The following HMOX2 variants were observed in gnomAD, a reference collection of about 807,000 sequenced individuals.
The protein encoded by HMOX2 is heme oxygenase (decycling) 2.
In HMOX2, 30 loss-of-function variants were observed where a neutral mutation model predicts 33.7. The ratio of observed to expected loss-of-function variants is 0.89; its 90% confidence interval spans 0.67 to 1.21. The LOEUF is 1.21. Among genes scored for constraint, HMOX2 ranks in the 50% most tolerant of loss-of-function variants. The pLI, the probability that HMOX2 is intolerant of heterozygous loss-of-function variation, is 0.00. For missense variants in HMOX2, 403 were observed against 399.1 expected, an observed-to-expected ratio of 1.01 and a Z score of -0.08; for synonymous variants, 155 against 155.0, an observed-to-expected ratio of 1.00 and a Z score of 0.00.
chr16:4,480,798 G>T (rs996063952), intron 1 of HMOX2, among the ~76,000 whole-genome samples: 1 of 148,744 alleles, frequency 6.7e-6, no homozygotes, highest in African/African-American at 2.5e-5. Context: ...GATTATAGGC[G>T]TCTGCCACCA....
chr16:4,509,350 TAAAAAA>T, intron 4 of HMOX2, 56 bp from the exon 5 acceptor site: 1 of 1,377,346 alleles, frequency 7.3e-7, no homozygotes, highest in Non-Finnish European at 9.9e-7. Flanking sequence ...AAAAGACATT[TAAAAAA>T]AAAAAAAAAG....
chr16:4,510,042 GGCT>G lies in HMOX2; in HGVS notation c.*290_*292del. Reference sequence around the variant, plus strand: ...CAGGCTTCCACACTTCTGGGCCCTAGGCTGCTTCCGGTAGTCCCTGTTTTTGCA... The same window carrying G: ...CAGGCTTCCACACTTCTGGGCCCTAGGCTTCCGGTAGTCCCTGTTTTTGCA... On this transcript the variant is annotated 3_prime_UTR_variant, in exon 6 of 6. Coordinates refer to ENST00000570646, the MANE Select transcript of HMOX2 (RefSeq NM_002134.4). 4.3e-6 allele frequency: 2 copies of G among 465,688 alleles called. No homozygotes were observed. Among genetic ancestry groups the G allele is most frequent in the South Asian group, 6.6e-5 (2 of 30,508 alleles). The allele number at this position is 465,688 out of a possible 1,614,324, so 28.8% of individuals were successfully genotyped here. A position where few individuals can be genotyped will look rare whatever the true frequency, so the allele number is the denominator to read the frequency against.
intron 1 of HMOX2, among the ~76,000 whole-genome samples, chr16:4,485,727 T>A (rs1371230845): frequency 6.6e-6 from 1 of 152,084 alleles, no homozygotes; most frequent in African/African-American, 2.4e-5. Context: ...TTGTTTTTAT[T>A]TTTGTTTTTG....
intron 1 of HMOX2, among the ~76,000 whole-genome samples, chr16:4,491,279 C>T (rs2058299255): frequency 6.6e-6 from 1 of 152,190 alleles, no homozygotes; most frequent in African/African-American, 2.4e-5. Flanking sequence ...GGGCCCTTCA[C>T]CTAAGTCATG....
intron 1 of HMOX2, among the ~76,000 whole-genome samples, chr16:4,483,381 C>CCCAT (rs925250433): frequency 1.3e-5 from 2 of 150,728 alleles, no homozygotes; most frequent in Non-Finnish European, 2.9e-5. Context: ...GCAATCAGCC[C>CCCAT]CCATCTAGGA....
intron 1 of HMOX2, among the ~76,000 whole-genome samples, chr16:4,504,354 ATTTTTTTTTTTTTTT>A (rs34314976): frequency 1.4e-5 from 1 of 72,886 alleles, no homozygotes; most frequent in African/African-American, 5.3e-5. Flanking sequence ...GTAACTTTCA[ATTTTTTTTTTTTTTT>A]TTTTTTTTTG....
chr16:4,494,288 T>C (rs1416719650), intron 1 of HMOX2, among the ~76,000 whole-genome samples: 2 of 148,694 alleles, frequency 1.3e-5, no homozygotes, highest in Non-Finnish European at 3.0e-5. Flanking sequence ...TGCACTCCAG[T>C]CTGGGCGACA....
At chr16:4,487,181 C>A (rs1335669447) in intron 1 of HMOX2, among the ~76,000 whole-genome samples, 1 of 152,112 alleles carries the variant, frequency 6.6e-6, no homozygotes, top group African/African-American at 2.4e-5. Flanking sequence ...ATCACCTGAG[C>A]CCAGGAGTTG....
intron 1 of HMOX2, among the ~76,000 whole-genome samples, chr16:4,491,428 T>C (rs1170260873): frequency 6.6e-6 from 1 of 152,102 alleles, no homozygotes; most frequent in Admixed American, 6.5e-5. Flanking sequence ...GGCGGCTGGA[T>C]CACTTGAGTT....
chr16:4,487,421 G>A (rs772556482), intron 1 of HMOX2, among the ~76,000 whole-genome samples: 6 of 151,202 alleles, frequency 4.0e-5, no homozygotes, highest in South Asian at 2.1e-4. Context: ...CTGTAATCCC[G>A]GCACTTTGGG....
At chr16:4,506,779 G>C in intron 2 of HMOX2, 116 bp from the exon 3 acceptor site, 1 of 720,150 alleles carries the variant, frequency 1.4e-6, no homozygotes, top group Non-Finnish European at 2.5e-6. Flanking sequence ...AGAAGCCCCA[G>C]CCTCCAGTAC....
At chr16:4,477,254 T>G in intron 1 of HMOX2, among the ~76,000 whole-genome samples, 1 of 151,974 alleles carries the variant, frequency 6.6e-6, no homozygotes, top group East Asian at 1.9e-4. Context: ...ATTCCAGCAC[T>G]TTGGGAGGCC....
chr16:4,503,684 GGTGA>G (rs1202295603), intron 1 of HMOX2, among the ~76,000 whole-genome samples: 4 of 152,156 alleles, frequency 2.6e-5, no homozygotes, highest in Admixed American at 2.0e-4. Flanking sequence ...TAAATCTAAA[GGTGA>G]GAGAGATGGT....
At chr16:4,489,368 A>G (rs1258946494) in intron 1 of HMOX2, among the ~76,000 whole-genome samples, 1 of 152,038 alleles carries the variant, frequency 6.6e-6, no homozygotes, top group African/African-American at 2.4e-5. Flanking sequence ...TTCCTTTTGC[A>G]GTGGCACAGT....
intron 1 of HMOX2, among the ~76,000 whole-genome samples, chr16:4,485,167 T>C (rs539461051): frequency 3.2e-4 from 48 of 152,244 alleles, no homozygotes; most frequent in Admixed American, 5.2e-4. Flanking sequence ...GGTTTCACCA[T>C]GTTGGCCAGG....
chr16:4,509,558 G>A lies in HMOX2; in HGVS notation c.823+20G>A. On this transcript the variant is annotated intron_variant, in intron 5 of 5. Coordinates refer to ENST00000570646, the MANE Select transcript of HMOX2 (RefSeq NM_002134.4). ...ACAAAGGTAGGTCTGTGTGTCCTGA[G>A]CTCCCCTCCTGGGGCAGGTGTAGCA... 1.1e-5 allele frequency: 17 copies of A among 1,614,174 alleles called. No individual in the cohort carries two copies. Among genetic ancestry groups the A allele is most frequent in the Non-Finnish European group, 1.4e-5 (16 of 1,180,024 alleles).
upstream of HMOX2, chr16:4,476,168 C>T (rs1443568586): frequency 6.6e-6 from 1 of 152,270 alleles, no homozygotes; most frequent in Non-Finnish European, 1.5e-5. Context: ...AAGTGCTCAA[C>T]CCTGAGGCAC....
intron 1 of HMOX2, among the ~76,000 whole-genome samples, chr16:4,502,444 GC>G (rs1360775752): frequency 1.3e-5 from 2 of 152,180 alleles, no homozygotes; most frequent in African/African-American, 4.8e-5. Flanking sequence ...ACTTGTCTTT[GC>G]CTCATTTTGC....
At chr16:4,504,400 G>C (rs1198013123) in intron 1 of HMOX2, among the ~76,000 whole-genome samples, 1 of 70,662 alleles carries the variant, frequency 1.4e-5, no homozygotes, top group Non-Finnish European at 2.5e-5. Context: ...CACTCTTATT[G>C]CCCAGGCTGG....
Sources: gnomAD v4.1 joint callset for allele counts (sites outside exome capture counted in the v4.1 genomes callset) on GRCh38, gnomAD v4.1.1 for gene constraint, MANE v1.5 for transcripts, NCBI Gene and HGNC (gene_info 2026-07-23, HGNC 2026-07-21) for gene names.